The following GPHN variants were observed in gnomAD, a reference collection of about 807,000 sequenced individuals.
GPHN encodes the protein gephyrin.
A neutral mutation model predicts 95.5 loss-of-function variants in GPHN; 17 were observed. That is an observed-to-expected ratio of 0.18 (90% CI 0.12 to 0.27). The LOEUF (loss-of-function observed/expected upper bound fraction) is 0.27, where lower values mean the gene tolerates loss of function less well. Ranked by LOEUF, GPHN falls within the 10% of genes least tolerant of loss-of-function variation. The pLI is 1.00. For missense variants in GPHN, 660 were observed against 978.1 expected (o/e 0.67, Z 4.34); for synonymous variants, 320 against 322.5 (o/e 0.99, Z 0.08).
At chr14:66,951,146 G>A (rs561778250) in intron 8 of GPHN, among the ~76,000 whole-genome samples, 388 of 151,956 alleles carry the variant, frequency 2.6e-3, no homozygotes, top group African/African-American at 8.6e-3. Context: ...GGCTGGTCTC[G>A]AATTCCTGAC....
chr14:66,695,431 G>A (rs1453187629), intron 2 of GPHN, among the ~76,000 whole-genome samples: 2 of 152,204 alleles, frequency 1.3e-5, no homozygotes, highest in African/African-American at 4.8e-5. Context: ...TTGCTGGTGG[G>A]AATGCAAGAT....
At chr14:66,902,674 G>A (rs2065178422) in intron 5 of GPHN, among the ~76,000 whole-genome samples, 1 of 152,028 alleles carries the variant, frequency 6.6e-6, no homozygotes, top group African/African-American at 2.4e-5. Context: ...CACATTTATT[G>A]ATTTGCATAT....
chr14:66,632,862 C>A (rs2063896027), intron 1 of GPHN, among the ~76,000 whole-genome samples: 1 of 152,102 alleles, frequency 6.6e-6, no homozygotes, highest in Non-Finnish European at 1.5e-5. Context: ...TGCCATGTAT[C>A]TGCTAAGAAA....
At chr14:67,221,898 A>G in the GPHN span, 1 of 1,506,690 alleles carries the variant, frequency 6.6e-7, no homozygotes, top group East Asian at 2.3e-5. Flanking sequence ...GGCTAAGAGC[A>G]AAGGAATTCA....
Position 66,776,459 on chromosome 14 carries a change from T to G in GPHN, c.144-5T>G. 1 of 1,523,644 alleles carries G rather than the reference T, an allele frequency of 6.6e-7. No individual in the cohort carries two copies. Among genetic ancestry groups the G allele is most frequent in the Non-Finnish European group, 9.1e-7 (1 of 1,099,056 alleles). The allele number at this position is 1,523,644 out of a possible 1,614,324, so 94.4% of individuals were successfully genotyped here. Reference sequence around the variant, plus strand: ...TTTGAGAATATTTTCTTCTCCTAATTTCAGGTTGGGTGGGACTATATCAGC... The same window carrying G: ...TTTGAGAATATTTTCTTCTCCTAATGTCAGGTTGGGTGGGACTATATCAGC... On this transcript the variant is annotated splice_region_variant and splice_polypyrimidine_tract_variant and intron_variant, in intron 2 of 22. Transcript: ENST00000478722.
At chr14:67,426,343 G>A in the GPHN span, among the ~76,000 whole-genome samples, 4,852 of 152,134 alleles carry the variant, frequency 0.032, 228 homozygotes, top group African/African-American at 0.1. Flanking sequence ...CTCAGCAAGG[G>A]AGTTAAGAAT....
chr14:67,066,400 T>C (rs1400423474), intron 11 of GPHN, among the ~76,000 whole-genome samples: 1 of 152,176 alleles, frequency 6.6e-6, no homozygotes, highest in Non-Finnish European at 1.5e-5. Flanking sequence ...TTGACAATTA[T>C]GTGTCTTGGG....
chr14:66,971,010 T>C (rs2069727178), intron 9 of GPHN, among the ~76,000 whole-genome samples: 1 of 152,310 alleles, frequency 6.6e-6, no homozygotes, highest in Admixed American at 6.5e-5. Context: ...CTTCTGTTTA[T>C]GTGGGTTATA....
At chr14:67,680,170 G>C in the GPHN span, among the ~76,000 whole-genome samples, 1 of 152,182 alleles carries the variant, frequency 6.6e-6, no homozygotes, top group African/African-American at 2.4e-5. Flanking sequence ...ACTAAAGTTT[G>C]AGAAATACCA....
At chr14:67,591,846 T>C in the GPHN span, 1 of 152,006 alleles carries the variant, frequency 6.6e-6, no homozygotes, top group African/African-American at 2.4e-5. Flanking sequence ...TAAGTGTTTT[T>C]TTTTTTTTGT....
the GPHN span, among the ~76,000 whole-genome samples, chr14:67,494,057 C>T: frequency 2.0e-5 from 3 of 152,090 alleles, no homozygotes; most frequent in Non-Finnish European, 2.9e-5. Flanking sequence ...CCCAGCCACA[C>T]CAGGCACCTC....
At chr14:67,593,919 T>C in the GPHN span, 1 of 1,612,924 alleles carries the variant, frequency 6.2e-7, no homozygotes, top group South Asian at 1.1e-5. Context: ...CCTAAGAGGG[T>C]GATGAAGATG....
the GPHN span, among the ~76,000 whole-genome samples, chr14:67,699,617 C>G: frequency 1.5e-4 from 17 of 116,172 alleles, no homozygotes; most frequent in African/African-American, 3.5e-5. Context: ...AAAAAAGAAA[C>G]AGAGAGAGAA....
intron 1 of GPHN, among the ~76,000 whole-genome samples, chr14:66,671,860 C>T (rs1039446802): frequency 5.9e-5 from 9 of 151,954 alleles, no homozygotes; most frequent in Admixed American, 3.3e-4. Flanking sequence ...GTGAACTTGG[C>T]GAGAGGTGTA....
intron 1 of GPHN, among the ~76,000 whole-genome samples, chr14:66,578,794 A>G (rs2061022959): frequency 6.6e-6 from 1 of 151,718 alleles, no homozygotes; most frequent in Non-Finnish European, 1.5e-5. Context: ...GAGGAAGTTC[A>G]CTAGACTTGC....
chr14:66,542,108 A>C (rs1171153931), intron 1 of GPHN, among the ~76,000 whole-genome samples: 1 of 152,124 alleles, frequency 6.6e-6, no homozygotes, highest in Non-Finnish European at 1.5e-5. Context: ...CTCTCACTTA[A>C]GTCCAGCTTA....
At chr14:67,219,756 G>A in the GPHN span, among the ~76,000 whole-genome samples, 9 of 151,930 alleles carry the variant, frequency 5.9e-5, no homozygotes, top group African/African-American at 1.5e-4. Flanking sequence ...ATTCTTCAAG[G>A]TCTCACCCCT....
At chr14:66,719,497 G>A (rs977020558) in intron 2 of GPHN, among the ~76,000 whole-genome samples, 4 of 152,036 alleles carry the variant, frequency 2.6e-5, no homozygotes, top group African/African-American at 9.7e-5. Flanking sequence ...GTGTCTCCTG[G>A]GTCCTGCAGG....
chr14:66,763,993 A>T (rs1434736289), intron 2 of GPHN, among the ~76,000 whole-genome samples: 3 of 152,148 alleles, frequency 2.0e-5, no homozygotes, highest in African/African-American at 7.2e-5. Flanking sequence ...TCACCCCCAG[A>T]TGGGACTGTC....
Sources: allele counts gnomAD v4.1 joint callset (sites outside exome capture counted in the v4.1 genomes callset), GRCh38; gene constraint gnomAD v4.1.1; transcripts MANE v1.5; gene names NCBI Gene and HGNC (gene_info 2026-07-23, HGNC 2026-07-21).